Variants in PFDN1 observed in about 807,000 individuals in gnomAD.
PFDN1 encodes prefoldin 1.
Under a neutral mutation model 17.3 loss-of-function variants are expected in PFDN1, and 6 were observed. That is an observed-to-expected ratio of 0.35 (90% CI 0.19 to 0.69). The LOEUF (loss-of-function observed/expected upper bound fraction) is 0.69, where lower values mean the gene tolerates loss of function less well. Ranked by LOEUF, PFDN1 falls within the 30% of genes least tolerant of loss-of-function variation. The pLI, the probability that PFDN1 is intolerant of heterozygous loss-of-function variation, is 0.65. For synonymous variants in PFDN1, 58 were observed against 50.1 expected (o/e 1.16, Z -0.67); for missense variants, 113 against 146.2 (o/e 0.77, Z 1.17).
At chr5:140,258,034 G>A (rs1028091436) in intron 3 of PFDN1, among the ~76,000 whole-genome samples, 2 of 152,144 alleles carry the variant, frequency 1.3e-5, no homozygotes, top group African/African-American at 2.4e-5. Flanking sequence ...TGTCAACCAG[G>A]GAGACTGAAG....
chr5:140,302,323 C>T (rs1765760620), intron 1 of PFDN1, among the ~76,000 whole-genome samples: 1 of 152,204 alleles, frequency 6.6e-6, no homozygotes. Flanking sequence ...TGTTAGAATG[C>T]TGATCATTCT....
chr5:140,257,304 T>C (rs1765003001), intron 3 of PFDN1, among the ~76,000 whole-genome samples: 1 of 151,224 alleles, frequency 6.6e-6, no homozygotes, highest in African/African-American at 2.4e-5. Context: ...GTGCTCAGGC[T>C]CCACATGGCC....
intron 2 of PFDN1, among the ~76,000 whole-genome samples, chr5:140,288,772 G>C (rs947845784): frequency 4.0e-4 from 61 of 150,872 alleles, no homozygotes; most frequent in African/African-American, 1.5e-3. Context: ...ATCACCTGAG[G>C]TCTGTAGTTC....
chr5:140,279,864 G>A (rs572675268), intron 3 of PFDN1, among the ~76,000 whole-genome samples: 12 of 151,334 alleles, frequency 7.9e-5, no homozygotes, highest in East Asian at 3.9e-4. Context: ...GCGTGGTGGC[G>A]CATGCCTGTA....
In PFDN1 at chr5:140,254,626, C is replaced by T. The variant is rs1490213575; in HGVS notation, c.286-8569G>A. 6.6e-6 allele frequency among the ~76,000 whole-genome samples: 1 copy of T among 152,152 alleles called. No homozygotes were observed. The highest frequency in any genetic ancestry group is 6.5e-5 in the Admixed American group (1 of 15,280). On this transcript the variant is annotated intron_variant, in intron 3 of 3. Transcript: ENST00000261813. The surrounding 1 kb of genome is among the most constrained non-coding windows in gnomAD (Gnocchi z 4.4). ...AGCCTCCTCTCTCCTCACAATTTTA[C>T]AGTTATCCCACCTCAGCCACCTGGT...
chr5:140,274,087 C>T (rs571018859), intron 3 of PFDN1, among the ~76,000 whole-genome samples: 51 of 152,230 alleles, frequency 3.4e-4, no homozygotes, highest in Middle Eastern at 6.8e-3. Context: ...TTAAATTTTC[C>T]TAACTGCAAA....
At chr5:140,273,664 T>A (rs1266750135) in intron 3 of PFDN1, among the ~76,000 whole-genome samples, 1 of 152,202 alleles carries the variant, frequency 6.6e-6, no homozygotes. Flanking sequence ...AACAGTTTTT[T>A]TTTTTTACAT....
intron 3 of PFDN1, among the ~76,000 whole-genome samples, chr5:140,269,372 G>C (rs1765174391): frequency 6.7e-6 from 1 of 150,098 alleles, no homozygotes; most frequent in African/African-American, 2.5e-5. Context: ...AGGCTGGAGT[G>C]CAATGGCATG....
intron 3 of PFDN1, among the ~76,000 whole-genome samples, chr5:140,271,005 AATGCATCACAG>A (rs1765198420): frequency 6.6e-6 from 1 of 152,166 alleles, no homozygotes; most frequent in Admixed American, 6.5e-5. Context: ...AAGGAAATAA[AATGCATCACAG>A]ATGCTTTATA....
At chr5:140,281,405 T>A (rs771866289) in intron 3 of PFDN1, 44 bp downstream of exon 3, 1 of 812,514 alleles carries the variant, frequency 1.2e-6, no homozygotes, top group African/African-American at 1.7e-5. Flanking sequence ...ATAAGATTAC[T>A]ACTTTCTCCC....
chr5:140,246,254 G>A (rs575009375), intron 3 of PFDN1, among the ~76,000 whole-genome samples, 197 bp from the exon 4 acceptor site: 6 of 152,338 alleles, frequency 3.9e-5, no homozygotes, highest in African/African-American at 1.4e-4. Flanking sequence ...GCAGGCAGCA[G>A]GGAGAAGATG....
At chr5:140,287,774 CA>C (rs919388789) in intron 2 of PFDN1, among the ~76,000 whole-genome samples, 8 of 152,084 alleles carry the variant, frequency 5.3e-5, no homozygotes, top group African/African-American at 1.7e-4. Context: ...TTAAAACAGG[CA>C]AAAGATCTGA....
chr5:140,250,248 C>G (rs2126677914), intron 3 of PFDN1, among the ~76,000 whole-genome samples: 1 of 152,144 alleles, frequency 6.6e-6, no homozygotes, highest in Non-Finnish European at 1.5e-5. Context: ...CCGACCTCAC[C>G]TCCAACAACT....
intron 1 of PFDN1, 133 bp downstream of exon 1, chr5:140,302,908 C>T (rs991430419): frequency 1.3e-6 from 1 of 770,132 alleles, no homozygotes; most frequent in Non-Finnish European, 2.3e-6. Context: ...GGCCTTAGGA[C>T]TCTGGGAAAC....
chr5:140,276,450 A>G (rs1440102145), intron 3 of PFDN1, among the ~76,000 whole-genome samples: 1 of 152,174 alleles, frequency 6.6e-6, no homozygotes, highest in African/African-American at 2.4e-5. Flanking sequence ...CTACTTTTCG[A>G]AGATCTAGCA....
intron 3 of PFDN1, among the ~76,000 whole-genome samples, chr5:140,251,410 T>G (rs1364081181): frequency 6.6e-6 from 1 of 152,192 alleles, no homozygotes; most frequent in East Asian, 1.9e-4. Context: ...CCTTAATGCT[T>G]TATCAGGTCA....
At chr5:140,260,411 TA>T (rs1453449730) in intron 3 of PFDN1, among the ~76,000 whole-genome samples, 1 of 151,672 alleles carries the variant, frequency 6.6e-6, no homozygotes, top group East Asian at 1.9e-4. Context: ...CAGCATTATT[TA>T]CAACAGCCAA....
At chr5:140,288,377 AG>A (rs1765529405) in intron 2 of PFDN1, among the ~76,000 whole-genome samples, 1 of 152,214 alleles carries the variant, frequency 6.6e-6, no homozygotes, top group South Asian at 2.1e-4. Context: ...ATATAGAAAC[AG>A]TAAAAAGGTC....
intron 3 of PFDN1, among the ~76,000 whole-genome samples, chr5:140,253,092 G>A (rs930255984): frequency 3.9e-5 from 6 of 152,210 alleles, no homozygotes; most frequent in Admixed American, 2.6e-4. Context: ...CATGGAGCAG[G>A]AGAATAAAGA....
Sources: gnomAD v4.1 joint callset for allele counts (sites outside exome capture counted in the v4.1 genomes callset) on GRCh38, gnomAD v4.1.1 for gene constraint, Gnocchi (gnomAD v3.1) non-coding constraint, MANE v1.5 for transcripts, NCBI Gene and HGNC (gene_info 2026-07-23, HGNC 2026-07-21) for gene names.